The following ADAM12 variants were observed in gnomAD, a reference collection of about 807,000 sequenced individuals.
ADAM12 encodes the protein disintegrin and metalloproteinase domain-containing protein 12.
A neutral mutation model predicts 106.4 loss-of-function variants in ADAM12; 70 were observed. The ratio of observed to expected loss-of-function variants is 0.66; its 90% CI spans 0.54 to 0.80. ADAM12 has a LOEUF of 0.80. ADAM12 is among the 30% of genes least tolerant of loss of function. The probability of loss-of-function intolerance (pLI) is 0.00; values close to 1 mark genes in which losing one functional copy is unlikely to be tolerated. For synonymous variants in ADAM12, 420 were observed against 433.5 expected, an observed-to-expected ratio of 0.97 and a Z score of 0.39; for missense variants, 1,010 against 1,171.9, an observed-to-expected ratio of 0.86 and a Z score of 2.02.
intron 6 of ADAM12, among the ~76,000 whole-genome samples, chr10:126,116,421 G>A (rs1029869080): frequency 1.3e-5 from 2 of 152,158 alleles, no homozygotes; most frequent in African/African-American, 2.4e-5. Context: ...TAAACCTGCC[G>A]TGGGACCCCA....
In ADAM12 at chr10:126,056,502, G is replaced by C. The variant is rs566709659; in HGVS notation, c.1610-6833C>G. 5.1e-4 allele frequency among the ~76,000 whole-genome samples: 78 copies of C among 152,278 alleles called. No individual in the cohort carries two copies. In the South Asian group the frequency reaches 0.016, roughly 31 times the overall value. On this transcript the variant is annotated intron_variant, in intron 14 of 22. Coordinates refer to ENST00000448723, the MANE Select transcript of ADAM12 (RefSeq NM_001288973.2). ...ACTCACGGGTAGCCCCAATAGATAC[G>C]ATCTTTTGCTTCCTTTTATCAGTCC...
chr10:126,278,841 T>C, intron 3 of ADAM12, 74 bp downstream of exon 3: 1 of 1,171,998 alleles, frequency 8.5e-7, no homozygotes, highest in South Asian at 1.5e-5. Flanking sequence ...AACCCCAACA[T>C]AAATCACAGA....
At chr10:126,104,290 A>G (rs946837390) in intron 8 of ADAM12, among the ~76,000 whole-genome samples, 12 of 151,884 alleles carry the variant, frequency 7.9e-5, no homozygotes, top group Non-Finnish European at 1.6e-4. Context: ...TCTCTACTAA[A>G]AATACAAAAA....
chr10:126,038,757 C>A lies in ADAM12; in HGVS notation c.2241-408G>T, dbSNP rs562887101. 4.6e-5 allele frequency among the ~76,000 whole-genome samples: 7 copies of A among 152,152 alleles called. No homozygotes were observed. In the South Asian group the frequency reaches 1.0e-3, roughly 23 times the overall value. ...AACACATCAGTGGAATTTCCTGACA[C>A]CCTGCTAGCTTATGTAATAAGCAGC... On this transcript the variant is annotated intron_variant, in intron 19 of 22. Transcript: ENST00000448723.
At chr10:126,136,105 A>AGAGGAAGTGGGGGT (rs1554974217) in intron 4 of ADAM12, among the ~76,000 whole-genome samples, 2 of 151,720 alleles carry the variant, frequency 1.3e-5, no homozygotes, top group Non-Finnish European at 2.9e-5. Flanking sequence ...AAAGCAGATG[A>AGAGGAAGTGGGGGT]GAGGAAGTGG....
At chr10:126,256,094 T>G (rs894646080) in intron 3 of ADAM12, among the ~76,000 whole-genome samples, 3 of 152,138 alleles carry the variant, frequency 2.0e-5, no homozygotes, top group Non-Finnish European at 4.4e-5. Context: ...CTGGGACACT[T>G]AAGAAAAATA....
At chr10:126,361,642 G>A (rs1419094782) in intron 1 of ADAM12, among the ~76,000 whole-genome samples, 4 of 151,926 alleles carry the variant, frequency 2.6e-5, no homozygotes, top group African/African-American at 4.8e-5. Flanking sequence ...AAACATATAC[G>A]GTCAATTGAT....
chr10:126,268,277 A>G (rs1357968141), intron 3 of ADAM12, among the ~76,000 whole-genome samples: 1 of 152,238 alleles, frequency 6.6e-6, no homozygotes, highest in Non-Finnish European at 1.5e-5. Context: ...TAATGTCTTC[A>G]AAGTTCATGT....
chr10:126,291,839 C>T (rs574371036), intron 2 of ADAM12, among the ~76,000 whole-genome samples: 63 of 152,222 alleles, frequency 4.1e-4, no homozygotes, highest in Middle Eastern at 3.4e-3. Flanking sequence ...GGAGCCACCA[C>T]GTTAACCAGA....
intron 3 of ADAM12, among the ~76,000 whole-genome samples, chr10:126,250,476 G>A (rs774106527): frequency 1.3e-5 from 2 of 152,066 alleles, no homozygotes; most frequent in East Asian, 1.9e-4. Context: ...GGCCCTGCTC[G>A]TTTATCGTAT....
intron 1 of ADAM12, among the ~76,000 whole-genome samples, chr10:126,386,657 TAATA>T (rs1856671381): frequency 6.6e-6 from 1 of 152,154 alleles, no homozygotes; most frequent in Admixed American, 6.5e-5. Flanking sequence ...TAGCTGGATT[TAATA>T]AACATTTTCT....
At chr10:126,372,726 T>C (rs1856152346) in intron 1 of ADAM12, among the ~76,000 whole-genome samples, 1 of 152,216 alleles carries the variant, frequency 6.6e-6, no homozygotes, top group Admixed American at 6.5e-5. Flanking sequence ...TTACAGACCA[T>C]ATCCTATCCC....
chr10:126,255,451 G>A (rs1051186604), intron 3 of ADAM12, among the ~76,000 whole-genome samples: 5 of 152,120 alleles, frequency 3.3e-5, no homozygotes, highest in African/African-American at 4.8e-5. Context: ...CCCTTAGAAC[G>A]CAGCCCCTTC....
At chr10:126,254,952 C>T (rs141026170) in intron 3 of ADAM12, among the ~76,000 whole-genome samples, 1 of 152,200 alleles carries the variant, frequency 6.6e-6, no homozygotes, top group Non-Finnish European at 1.5e-5. Context: ...TCCCCCTTTA[C>T]AAACCACAGA....
Position 126,324,724 on chromosome 10 carries a change from C to A in ADAM12, c.186+5688G>T, listed in dbSNP as rs559341292. On this transcript the variant is annotated intron_variant, in intron 2 of 22. Coordinates refer to ENST00000448723, the MANE Select transcript of ADAM12 (RefSeq NM_001288973.2). ...AGATGACAACCTTATCTTCTAGGGA[C>A]AATTAAATTAAGTGGGAGGCAGAGT... Among the ~76,000 whole-genome samples, 259 of 152,094 alleles carry A rather than the reference C, an allele frequency of 1.7e-3. 7 individuals are homozygous for A. The highest frequency in any genetic ancestry group is 9.8e-3 in the South Asian group (47 of 4,802).
intron 14 of ADAM12, among the ~76,000 whole-genome samples, chr10:126,054,199 T>A (rs1304260873): frequency 1.3e-5 from 2 of 152,208 alleles, no homozygotes; most frequent in Non-Finnish European, 2.9e-5. Flanking sequence ...ATTCATAACC[T>A]CCACAACTGA....
chr10:126,090,419 GC>G (rs1955441902), intron 11 of ADAM12, among the ~76,000 whole-genome samples: 1 of 150,150 alleles, frequency 6.7e-6, no homozygotes, highest in African/African-American at 2.5e-5. Context: ...AATATTCTTT[GC>G]TATGAGTGTT....
At chr10:126,259,665 T>A (rs879446074) in intron 3 of ADAM12, among the ~76,000 whole-genome samples, 4 of 152,202 alleles carry the variant, frequency 2.6e-5, no homozygotes, top group Non-Finnish European at 5.9e-5. Flanking sequence ...TCATTCATCA[T>A]CCATGCATGG....
chr10:126,249,863 C>T (rs570394050), intron 3 of ADAM12, among the ~76,000 whole-genome samples: 8 of 152,298 alleles, frequency 5.3e-5, no homozygotes, highest in African/African-American at 1.7e-4. Context: ...GACCCACTTC[C>T]CTGACTGCTC....
Sources: gnomAD v4.1 joint callset for allele counts (sites outside exome capture counted in the v4.1 genomes callset) on GRCh38, gnomAD v4.1.1 for gene constraint, MANE v1.5 for transcripts, NCBI Gene and HGNC (gene_info 2026-07-23, HGNC 2026-07-21) for gene names.